ARB2A: variants seen among roughly 807,000 people sequenced by gnomAD.
ARB2A encodes the protein cotranscriptional regulator ARB2A.
At chr5:94,025,528 A>G in the ARB2A span, among the ~76,000 whole-genome samples, 142,457 of 152,280 alleles carry the variant, frequency 0.94, 66,735 homozygotes, top group East Asian at 1. Context: ...ATGGCGTCAG[A>G]GATGGGGATA....
the ARB2A span, among the ~76,000 whole-genome samples, chr5:93,876,978 T>G: frequency 6.6e-6 from 1 of 152,180 alleles, no homozygotes; most frequent in Admixed American, 6.5e-5. Flanking sequence ...AAGAATAAGA[T>G]TTTTGACGGA....
At chr5:93,981,902 A>G in the ARB2A span, among the ~76,000 whole-genome samples, 1 of 152,144 alleles carries the variant, frequency 6.6e-6, no homozygotes, top group Non-Finnish European at 1.5e-5. Context: ...AGCACTGAAA[A>G]AAATACTGAA....
chr5:93,727,041 A>T, the ARB2A span, among the ~76,000 whole-genome samples: 75 of 152,054 alleles, frequency 4.9e-4, no homozygotes, highest in South Asian at 1.0e-3. Flanking sequence ...GAGGGAGTTT[A>T]TTCTCCTGAT....
chr5:93,997,160 A>G, the ARB2A span, among the ~76,000 whole-genome samples: 1 of 152,040 alleles, frequency 6.6e-6, no homozygotes, highest in East Asian at 1.9e-4. Flanking sequence ...CCAGTTATCA[A>G]TATGCTATGA....
At chr5:93,642,080 A>C in the ARB2A span, among the ~76,000 whole-genome samples, 4 of 152,056 alleles carry the variant, frequency 2.6e-5, no homozygotes, top group Non-Finnish European at 5.9e-5. Flanking sequence ...ACCCAGGCCC[A>C]AGTGATCCTT....
chr5:93,744,557 A>AATGTGCATATCTCCCAGTTT, the ARB2A span, among the ~76,000 whole-genome samples: 1 of 151,706 alleles, frequency 6.6e-6, no homozygotes, highest in Non-Finnish European at 1.5e-5. Context: ...CTCATCTACC[A>AATGTGCATATCTCCCAGTTT]ATGTGCATAT....
At chr5:93,631,419 G>A in the ARB2A span, among the ~76,000 whole-genome samples, 1 of 152,090 alleles carries the variant, frequency 6.6e-6, no homozygotes, top group Admixed American at 6.6e-5. Flanking sequence ...TTGCCTCCAG[G>A]GTTACACTGT....
chr5:93,789,731 T>A, the ARB2A span, among the ~76,000 whole-genome samples: 2 of 152,224 alleles, frequency 1.3e-5, no homozygotes, highest in Non-Finnish European at 2.9e-5. Context: ...GTCTTTTCTG[T>A]TAAGGTCAGA....
chr5:93,801,069 A>T, the ARB2A span, among the ~76,000 whole-genome samples: 1 of 152,004 alleles, frequency 6.6e-6, no homozygotes, highest in African/African-American at 2.4e-5. Context: ...CTTTCTTTTG[A>T]CCTTTATCCA....
the ARB2A span, among the ~76,000 whole-genome samples, chr5:94,073,766 T>C: frequency 6.6e-6 from 1 of 152,216 alleles, no homozygotes; most frequent in South Asian, 2.1e-4. Context: ...AGTAAAACCT[T>C]CTATAGGGTT....
chr5:93,681,110 CT>C, the ARB2A span, among the ~76,000 whole-genome samples: 1 of 151,628 alleles, frequency 6.6e-6, no homozygotes, highest in Non-Finnish European at 1.5e-5. Context: ...GTAATGTTTC[CT>C]TTTTTTTCCA....
the ARB2A span, among the ~76,000 whole-genome samples, chr5:93,864,582 AC>A: frequency 6.6e-6 from 1 of 152,086 alleles, no homozygotes; most frequent in African/African-American, 2.4e-5. Flanking sequence ...ATGCTACATA[AC>A]CTTATGTAAA....
At chr5:93,958,872 C>T in the ARB2A span, 8 of 1,609,852 alleles carry the variant, frequency 5.0e-6, no homozygotes, top group African/African-American at 8.0e-5. Context: ...CTGACAACAC[C>T]ACTACCATGA....
the ARB2A span, among the ~76,000 whole-genome samples, chr5:93,791,939 A>AG: frequency 6.6e-6 from 1 of 152,070 alleles, no homozygotes; most frequent in African/African-American, 2.4e-5. Flanking sequence ...GAAAAAGAAA[A>AG]GGAAAAAAAA....
chr5:94,036,614 T>C, the ARB2A span, among the ~76,000 whole-genome samples: 3 of 152,220 alleles, frequency 2.0e-5, no homozygotes. Context: ...GAACCACTGG[T>C]TCATGCATCA....
the ARB2A span, among the ~76,000 whole-genome samples, chr5:94,049,663 C>CA: frequency 6.0e-5 from 9 of 150,402 alleles, no homozygotes; most frequent in Admixed American, 1.3e-4. Context: ...ACTAAAAGTA[C>CA]AAAAAAAAAT....
chr5:93,739,488 A>G, the ARB2A span: 4 of 152,206 alleles, frequency 2.6e-5, no homozygotes, highest in South Asian at 2.1e-4. Context: ...CTATCCAGAA[A>G]TAAGACATAA....
At chr5:93,976,089 T>C in the ARB2A span, among the ~76,000 whole-genome samples, 1 of 152,166 alleles carries the variant, frequency 6.6e-6, no homozygotes, top group African/African-American at 2.4e-5. Context: ...GTTCACCATA[T>C]GCAAATCAAT....
At chr5:93,846,770 G>A in the ARB2A span, among the ~76,000 whole-genome samples, 1 of 152,068 alleles carries the variant, frequency 6.6e-6, no homozygotes, top group Admixed American at 6.6e-5. Context: ...AACCTTCACT[G>A]AACTACAATC....
Sources: allele counts gnomAD v4.1 joint callset (sites outside exome capture counted in the v4.1 genomes callset), GRCh38; gene constraint gnomAD v4.1.1; transcripts MANE v1.5; gene names NCBI Gene and HGNC (gene_info 2026-07-23, HGNC 2026-07-21).